TMEM131L: variants seen among roughly 807,000 people sequenced by gnomAD.
The protein encoded by TMEM131L is transmembrane 131 like, also known as transmembrane protein 131-like.
TMEM131L carries 54 observed loss-of-function variants against 192.2 expected under a neutral mutation model. The observed-to-expected ratio is 0.28, with a 90% confidence interval of 0.23 to 0.35. The LOEUF (loss-of-function observed/expected upper bound fraction) is 0.35, where lower values mean the gene tolerates loss of function less well. Ranked by LOEUF, TMEM131L falls within the 10% of genes least tolerant of loss-of-function variation. TMEM131L has a pLI of 1.00. For missense variants in TMEM131L, 1,888 were observed against 1,972.9 expected (o/e 0.96, Z 0.82); for synonymous variants, 701 against 704.9 (o/e 0.99, Z 0.09).
At chr4:153,505,088 T>G (rs1454019113) in intron 3 of TMEM131L, among the ~76,000 whole-genome samples, 1 of 151,828 alleles carries the variant, frequency 6.6e-6, no homozygotes, top group African/African-American at 2.4e-5. Context: ...TTGGTCCAAC[T>G]TTCCATTTCT....
chr4:153,474,711 A>G (rs1561110500), intron 3 of TMEM131L, among the ~76,000 whole-genome samples: 1 of 152,162 alleles, frequency 6.6e-6, no homozygotes, highest in Non-Finnish European at 1.5e-5. Context: ...GTGTGTCAAC[A>G]TGCCTGGCTA....
chr4:153,582,288 A>C (rs1474962830), intron 9 of TMEM131L, among the ~76,000 whole-genome samples: 1 of 150,946 alleles, frequency 6.6e-6, no homozygotes, highest in Non-Finnish European at 1.5e-5. Context: ...TGTGTAGCCC[A>C]GGTGGGAGCA....
chr4:153,631,186 C>T (rs1734185662), intron 31 of TMEM131L, among the ~76,000 whole-genome samples: 1 of 152,200 alleles, frequency 6.6e-6, no homozygotes, highest in African/African-American at 2.4e-5. Flanking sequence ...TAGATGCTGT[C>T]TGATTTCAGC....
chr4:153,619,902 T>C (rs1561249893), intron 26 of TMEM131L, among the ~76,000 whole-genome samples: 2 of 152,206 alleles, frequency 1.3e-5, no homozygotes, highest in African/African-American at 4.8e-5. Flanking sequence ...GGAGAAGATT[T>C]ATCTTCCTCC....
intron 7 of TMEM131L, among the ~76,000 whole-genome samples, chr4:153,576,871 C>T (rs142546148): frequency 6.6e-6 from 1 of 152,222 alleles, no homozygotes; most frequent in South Asian, 2.1e-4. Flanking sequence ...AGCTGATTCC[C>T]TAGCATCTGT....
chr4:153,584,820 C>T lies in TMEM131L; in HGVS notation c.1061-15C>T. ...AGGTACTTAAGCTTCACATTTATTT[C>T]TTTATACCACAAAGCAGCTACATCA... is the stretch of plus-strand genomic sequence containing the variant. On this transcript the variant is annotated splice_polypyrimidine_tract_variant and intron_variant, in intron 11 of 34. Coordinates refer to ENST00000409959, the MANE Select transcript of TMEM131L (RefSeq NM_001131007.2). 6.3e-7 allele frequency: 1 copy of T among 1,597,158 alleles called. No individual in the cohort carries two copies. The highest frequency in any genetic ancestry group is 1.1e-5 in the South Asian group (1 of 90,598).
chr4:153,577,863 G>A (rs182546496), intron 7 of TMEM131L, among the ~76,000 whole-genome samples: 22 of 152,344 alleles, frequency 1.4e-4, no homozygotes, highest in African/African-American at 5.1e-4. Context: ...CCAGGTTGGG[G>A]TGTGTGAAGA....
intron 3 of TMEM131L, among the ~76,000 whole-genome samples, chr4:153,530,336 A>C (rs745359026): frequency 4.6e-5 from 7 of 152,190 alleles, no homozygotes; most frequent in African/African-American, 9.7e-5. Flanking sequence ...CAGGACCCTG[A>C]TCTAGACAGG....
intron 2 of TMEM131L, among the ~76,000 whole-genome samples, chr4:153,473,187 G>A (rs1324883551): frequency 6.6e-6 from 1 of 152,182 alleles, no homozygotes; most frequent in Non-Finnish European, 1.5e-5. Flanking sequence ...AGCCATAGTA[G>A]GTTCTTGAGC....
chr4:153,548,612 T>C (rs1464792945), intron 3 of TMEM131L, among the ~76,000 whole-genome samples: 4 of 152,298 alleles, frequency 2.6e-5, no homozygotes, highest in South Asian at 2.1e-4. Context: ...GGCATCACTT[T>C]ATTATTAATA....
At chr4:153,548,583 G>A (rs746722081) in intron 3 of TMEM131L, among the ~76,000 whole-genome samples, 3 of 152,210 alleles carry the variant, frequency 2.0e-5, no homozygotes, top group Non-Finnish European at 4.4e-5. Context: ...GATTACAGGC[G>A]TGAGCCACTG....
intron 7 of TMEM131L, among the ~76,000 whole-genome samples, chr4:153,579,244 C>T (rs990142780): frequency 6.6e-6 from 1 of 151,806 alleles, no homozygotes; most frequent in Non-Finnish European, 1.5e-5. Context: ...GCCTGTAGTC[C>T]CAGCTACTTG....
chr4:153,555,316 T>A lies in TMEM131L; in HGVS notation c.309-471T>A, dbSNP rs1456833795. On this transcript the variant is annotated intron_variant, in intron 4 of 34. Transcript: ENST00000409959. The surrounding 1 kb of genome is among the most constrained non-coding windows in gnomAD (Gnocchi z 4.1). The stretch of plus-strand genomic sequence containing the variant: ...CCCTAAGAAAAATTGGGTTTTTCTG[T>A]GAGTACAGTTTCTTACCTAAACATA... 6.6e-6 allele frequency among the ~76,000 whole-genome samples: 1 copy of A among 152,234 alleles called. No homozygotes were observed. Among genetic ancestry groups the A allele is most frequent in the East Asian group, 1.9e-4 (1 of 5,202 alleles).
At chr4:153,513,420 G>T (rs923792735) in intron 3 of TMEM131L, among the ~76,000 whole-genome samples, 4 of 152,170 alleles carry the variant, frequency 2.6e-5, no homozygotes, top group Non-Finnish European at 5.9e-5. Context: ...ACTGAAGACT[G>T]AACTGGGGCA....
At chr4:153,467,773 A>G (rs1186279943) in intron 2 of TMEM131L, among the ~76,000 whole-genome samples, 4 of 152,206 alleles carry the variant, frequency 2.6e-5, no homozygotes, top group African/African-American at 9.7e-5. Flanking sequence ...AAATACACCC[A>G]CTTAAGAACT....
chr4:153,627,114 T>C (rs1180578427), intron 30 of TMEM131L, among the ~76,000 whole-genome samples: 10 of 152,144 alleles, frequency 6.6e-5, no homozygotes, highest in African/African-American at 2.2e-4. Flanking sequence ...ACTTGACTAG[T>C]GCACAGGAAA....
At chr4:153,552,433 C>T (rs1737697194) in intron 4 of TMEM131L, among the ~76,000 whole-genome samples, 1 of 152,240 alleles carries the variant, frequency 6.6e-6, no homozygotes, top group Non-Finnish European at 1.5e-5. Flanking sequence ...AGTTGTCCCT[C>T]GTTATCCACA....
Position 153,592,702 on chromosome 4 carries a change from C to T in TMEM131L, c.1922+118C>T, listed in dbSNP as rs564254053. 345 of 727,306 alleles carry T rather than the reference C, an allele frequency of 4.7e-4. 1 individual carries two copies. In the African/African-American group the frequency reaches 5.6e-3, roughly 12 times the overall value. 45.1% of individuals were successfully genotyped at this position (727,306 alleles called of 1,614,324 possible). On this transcript the variant is annotated intron_variant, in intron 18 of 34. Transcript: ENST00000409959. ...TGTGTGGATGTGGACACAGTATTAA[C>T]CGATTAGCTCATGGACCTTGGGCAT...
At chr4:153,506,075 T>C (rs1399680428) in intron 3 of TMEM131L, among the ~76,000 whole-genome samples, 1 of 152,098 alleles carries the variant, frequency 6.6e-6, no homozygotes, top group Non-Finnish European at 1.5e-5. Flanking sequence ...GCTGTGAAGG[T>C]GAAAAACAAT....
Sources: gnomAD v4.1 joint callset for allele counts (sites outside exome capture counted in the v4.1 genomes callset) on GRCh38, gnomAD v4.1.1 for gene constraint, Gnocchi (gnomAD v3.1) non-coding constraint, MANE v1.5 for transcripts, NCBI Gene and HGNC (gene_info 2026-07-23, HGNC 2026-07-21) for gene names.